MYO3B: variants seen among roughly 807,000 people sequenced by gnomAD.
The protein encoded by MYO3B is myosin-IIIb.
Under a neutral mutation model 174.6 loss-of-function variants are expected in MYO3B, and 156 were observed. The observed-to-expected ratio is 0.89, with a 90% confidence interval of 0.78 to 1.02. The LOEUF is 1.02. Ranked by LOEUF, MYO3B falls within the 50% of genes least tolerant of loss-of-function variation. The pLI, the probability that MYO3B is intolerant of heterozygous loss-of-function variation, is 0.00. For missense variants in MYO3B, 1,632 were observed against 1,639.4 expected (o/e 1.00, Z 0.08); for synonymous variants, 563 against 569.1 (o/e 0.99, Z 0.15).
Position 170,589,293 on chromosome 2 carries a change from G to A in MYO3B, c.3733+45305G>A, listed in dbSNP as rs150716303. Among the ~76,000 whole-genome samples the A allele has an allele frequency of 2.7e-3, 404 of 152,194 alleles. 6 individuals are homozygous for A. Among genetic ancestry groups the A allele is most frequent in the Non-Finnish European group, 6.3e-4 (43 of 67,994 alleles). On this transcript the variant is annotated intron_variant, in intron 32 of 34. Coordinates refer to ENST00000408978, the MANE Select transcript of MYO3B (RefSeq NM_138995.5). The stretch of plus-strand genomic sequence containing the variant: ...AAAACCTATAATGAAAAAAAGAAAC[G>A]AACCAAGTAAACTACTATGGACATT...
intron 7 of MYO3B, chr2:170,334,143 G>A (rs2093930848): frequency 6.6e-6 from 1 of 152,178 alleles, no homozygotes; most frequent in Non-Finnish European, 1.5e-5. Context: ...TAAAAAGAAA[G>A]AAGGGGGAAG....
intron 22 of MYO3B, among the ~76,000 whole-genome samples, chr2:170,410,892 GA>G (rs368708763): frequency 2.7e-5 from 4 of 150,414 alleles, no homozygotes; most frequent in African/African-American, 4.9e-5. Flanking sequence ...AATACAAAGA[GA>G]AAAAAAAAGC....
rs143455961 is a variant in MYO3B at position 170,342,936 on chromosome 2, T to A, written c.815+7486T>A. Among the ~76,000 whole-genome samples the A allele has an allele frequency of 5.9e-5, 9 of 152,016 alleles. No individual in the cohort carries two copies. The East Asian group carries it at 1.7e-3, about 29-fold the overall frequency. On this transcript the variant is annotated intron_variant, in intron 8 of 34. Transcript: ENST00000408978. ...CTGTGTTTTGAAAGTGGCAATGACT[T>A]TCTCTTCTTTGACACCAATGTGCTG...
intron 7 of MYO3B, among the ~76,000 whole-genome samples, chr2:170,329,586 G>T (rs918095627): frequency 6.7e-6 from 1 of 148,930 alleles, no homozygotes; most frequent in African/African-American, 2.5e-5. Flanking sequence ...TATGGATGGG[G>T]TTTCACCATG....
intron 7 of MYO3B, among the ~76,000 whole-genome samples, chr2:170,316,877 C>T (rs1215458957): frequency 6.6e-6 from 1 of 152,192 alleles, no homozygotes; most frequent in African/African-American, 2.4e-5. Flanking sequence ...ACATTTGACA[C>T]TGAAGATGGC....
intron 8 of MYO3B, among the ~76,000 whole-genome samples, chr2:170,351,773 G>A (rs79673438): frequency 0.01 from 1,549 of 152,228 alleles, 10 homozygotes; most frequent in South Asian, 0.014. Context: ...GCATAAATTC[G>A]TTTGAAATGA....
intron 13 of MYO3B, among the ~76,000 whole-genome samples, chr2:170,386,666 G>A (rs1174583182): frequency 2.6e-5 from 4 of 152,186 alleles, no homozygotes; most frequent in African/African-American, 9.6e-5. Context: ...TCAGCTTGGT[G>A]AAATCAATAT....
At chr2:170,267,551 T>A (rs914159232) in intron 7 of MYO3B, among the ~76,000 whole-genome samples, 1 of 152,190 alleles carries the variant, frequency 6.6e-6, no homozygotes, top group South Asian at 2.1e-4. Flanking sequence ...AGAGACAAGA[T>A]AAATATCATT....
chr2:170,200,201 A>G lies in MYO3B; in HGVS notation c.238A>G (p.Asn80Asp), dbSNP rs752059129. ...ATACAACATTTTGCAGTTCCTTCCTAATCATCCCAATGTTGTAAAGTTTTA... is the reference window on the plus strand; with the variant it reads ...ATACAACATTTTGCAGTTCCTTCCTGATCATCCCAATGTTGTAAAGTTTTA... ...AEYNILQFLP[N>D]HPNVVKFYGM... The change falls in exon 3 of 35, where the codon AAT becomes GAT. Residue 80 changes from asparagine (N) to aspartate (D), a missense_variant. Transcript: ENST00000408978. 6 of 1,613,542 alleles carry G rather than the reference A, an allele frequency of 3.7e-6. No individual in the cohort carries two copies. The highest frequency in any genetic ancestry group is 2.2e-5 in the South Asian group (2 of 91,034).
intron 7 of MYO3B, among the ~76,000 whole-genome samples, chr2:170,273,636 T>C (rs1258533255): frequency 2.0e-5 from 3 of 152,140 alleles, no homozygotes; most frequent in African/African-American, 7.2e-5. Context: ...GTACTTCATC[T>C]TCCATATTCC....
chr2:170,404,456 C>T, intron 20 of MYO3B, 56 bp downstream of exon 20: 2 of 1,515,464 alleles, frequency 1.3e-6, no homozygotes, highest in Non-Finnish European at 1.8e-6. Context: ...TGGCTTGTGT[C>T]ATCAATTGAG....
At chr2:170,348,049 C>T (rs2094030772) in intron 8 of MYO3B, 1 of 152,200 alleles carries the variant, frequency 6.6e-6, no homozygotes, top group Admixed American at 6.5e-5. Flanking sequence ...ACACGTAACA[C>T]TTTGGGAGGC....
Position 170,200,187 on chromosome 2 carries a change from T to C in MYO3B, c.224T>C (p.Leu75Ser). The C allele has an allele frequency of 6.2e-7, 1 of 1,613,576 alleles. No homozygotes were observed. The highest frequency in any genetic ancestry group is 1.3e-5 in the African/African-American group (1 of 75,018). ...DEEIEAEYNI[L>S]QFLPNHPNVV... is the part of the protein sequence containing the mutation. ...GAAATTGAGGCAGAATACAACATTT[T>C]GCAGTTCCTTCCTAATCATCCCAAT... The change falls in exon 3 of 35, where the codon TTG (leucine) becomes TCG (serine). Residue 75 changes from leucine to serine, a missense_variant. Coordinates refer to ENST00000408978, the MANE Select transcript of MYO3B (RefSeq NM_138995.5).
intron 28 of MYO3B, among the ~76,000 whole-genome samples, chr2:170,507,324 G>T (rs934169871): frequency 6.6e-6 from 1 of 152,208 alleles, no homozygotes; most frequent in East Asian, 1.9e-4. Context: ...GAGGGGTCCT[G>T]CTCACTTCAC....
intron 32 of MYO3B, chr2:170,644,078 C>A (rs1423379127): frequency 6.6e-6 from 1 of 152,116 alleles, no homozygotes; most frequent in Admixed American, 6.5e-5. Context: ...ATCTCTGAAA[C>A]CTTGGAAGAC....
chr2:170,644,197 AT>A (rs1214737497), intron 32 of MYO3B, among the ~76,000 whole-genome samples: 6 of 152,214 alleles, frequency 3.9e-5, no homozygotes, highest in African/African-American at 7.2e-5. Context: ...ATAACCAATC[AT>A]TTTTTAATAT....
chr2:170,351,942 T>C (rs1337541105), intron 8 of MYO3B, among the ~76,000 whole-genome samples: 2 of 152,168 alleles, frequency 1.3e-5, no homozygotes, highest in Non-Finnish European at 2.9e-5. Flanking sequence ...AAGTTGTTTT[T>C]CTTTGTTTGG....
At chr2:170,497,512 A>G (rs1319772109) in intron 25 of MYO3B, among the ~76,000 whole-genome samples, 1 of 152,150 alleles carries the variant, frequency 6.6e-6, no homozygotes, top group Non-Finnish European at 1.5e-5. Flanking sequence ...GCTACTCAGG[A>G]CGCTGAGAGG....
At chr2:170,367,274 G>A (rs1014019546) in intron 8 of MYO3B, among the ~76,000 whole-genome samples, 2 of 152,224 alleles carry the variant, frequency 1.3e-5, no homozygotes, top group African/African-American at 4.8e-5. Flanking sequence ...GGAGGGTGAC[G>A]GATGGGTGGG....
Sources: allele counts gnomAD v4.1 joint callset (sites outside exome capture counted in the v4.1 genomes callset), GRCh38; gene constraint gnomAD v4.1.1; transcripts MANE v1.5; gene names NCBI Gene and HGNC (gene_info 2026-07-23, HGNC 2026-07-21).